The following EVC variants were observed in gnomAD, a reference collection of about 807,000 sequenced individuals.
The protein encoded by EVC is evC complex member EVC.
EVC carries 116 observed loss-of-function variants against 118.9 expected under a neutral mutation model. The ratio of observed to expected loss-of-function variants is 0.98; its 90% confidence interval spans 0.84 to 1.14. The LOEUF (loss-of-function observed/expected upper bound fraction) is 1.14, where lower values mean the gene tolerates loss of function less well. Ranked by LOEUF, EVC falls within the 50% of genes most tolerant of loss-of-function variation. The probability of loss-of-function intolerance (pLI) is 0.00; values close to 1 mark genes in which losing one functional copy is unlikely to be tolerated. For missense variants in EVC, 1,401 were observed against 1,246.4 expected (o/e 1.12, Z -1.87); for synonymous variants, 619 against 534.7 (o/e 1.16, Z -2.18).
intron 1 of EVC, among the ~76,000 whole-genome samples, chr4:5,716,059 G>T (rs1278001600): frequency 6.6e-6 from 1 of 152,164 alleles, no homozygotes; most frequent in Non-Finnish European, 1.5e-5. Context: ...TCTTCTAGCT[G>T]TTGTAGAACC....
intron 2 of EVC, among the ~76,000 whole-genome samples, chr4:5,724,470 T>C (rs41328048): frequency 0.081 from 12,277 of 152,314 alleles, 616 homozygotes; most frequent in Middle Eastern, 0.13. Flanking sequence ...CTTGCTGTTA[T>C]TCACATCATG....
At position 5,746,623 on chromosome 4, in the gene EVC, C is replaced by T. The variant is rs1415266139; in HGVS notation, c.939+1282C>T. On this transcript the variant is annotated intron_variant, in intron 7 of 20. Coordinates refer to ENST00000264956, the MANE Select transcript of EVC (RefSeq NM_153717.3). This position sits in a 1 kb window ranked among gnomAD's most constrained non-coding sequence, Gnocchi z 5.8. ...TAAGGAAGAGGGCCAGCCTGGATTC[C>T]GGTGGTCCACAGAACCCCCAACGCT... Among the ~76,000 whole-genome samples the T allele has an allele frequency of 2.0e-5, 3 of 152,106 alleles. No individual in the cohort carries two copies. The highest frequency in any genetic ancestry group is 7.2e-5 in the African/African-American group (3 of 41,426).
chr4:5,804,469 C>T (rs897533403), intron 16 of EVC, among the ~76,000 whole-genome samples: 2 of 152,148 alleles, frequency 1.3e-5, no homozygotes, highest in African/African-American at 2.4e-5. Context: ...TTTTCTTAGT[C>T]GGCACCCATT....
chr4:5,756,758 C>G lies in EVC; in HGVS notation c.1563+396C>G, dbSNP rs1319517902. The stretch of plus-strand genomic sequence containing the variant: ...CGTCAGAGATCACATGCCACACCAC[C>G]TCTTTCCCCTGTGCAACCGTGTGCA... On this transcript the variant is annotated intron_variant, in intron 11 of 20. Transcript: ENST00000264956. This position sits in a 1 kb window ranked among gnomAD's most constrained non-coding sequence, Gnocchi z 4.2. Among the ~76,000 whole-genome samples the G allele has an allele frequency of 6.6e-6, 1 of 152,148 alleles. No individual in the cohort carries two copies. Among genetic ancestry groups the G allele is most frequent in the East Asian group, 1.9e-4 (1 of 5,174 alleles).
chr4:5,743,583 C>T lies in EVC; in HGVS notation c.802-1621C>T, dbSNP rs533345262. Reference sequence around the variant, plus strand: ...TTAGAGTCCTCATTGTCATCGTCATCGTCCTTGTTCCTACCACTGTGAGAT... The same window carrying T: ...TTAGAGTCCTCATTGTCATCGTCATTGTCCTTGTTCCTACCACTGTGAGAT... On this transcript the variant is annotated intron_variant, in intron 6 of 20. Coordinates refer to ENST00000264956, the MANE Select transcript of EVC (RefSeq NM_153717.3). The surrounding 1 kb of genome is among the most constrained non-coding windows in gnomAD (Gnocchi z 4.7). Among the ~76,000 whole-genome samples, 2 of 152,230 alleles carry T rather than the reference C, an allele frequency of 1.3e-5. No homozygotes were observed. Among genetic ancestry groups the T allele is most frequent in the African/African-American group, 4.8e-5 (2 of 41,534 alleles).
chr4:5,802,953 G>C (rs184197634), intron 16 of EVC, among the ~76,000 whole-genome samples: 5 of 152,254 alleles, frequency 3.3e-5, no homozygotes, highest in Non-Finnish European at 7.4e-5. Context: ...GATTTCGTCT[G>C]TGAGCTTCCT....
intron 11 of EVC, among the ~76,000 whole-genome samples, chr4:5,777,632 C>A (rs2152260246): frequency 6.6e-6 from 1 of 152,270 alleles, no homozygotes; most frequent in Middle Eastern, 3.4e-3. Context: ...GTCCACTTAT[C>A]TTTTTCATTC....
Position 5,802,003 on chromosome 4 carries a change from C to G in EVC, c.2358C>G (p.Val786=), listed in dbSNP as rs895641001. Residue 786 remains valine, a synonymous_variant, in exon 16 of 21, where the codon GTC becomes GTG. Transcript: ENST00000264956. ...GCGTCTACGTGACCAGCGCTGGTGTCAGCCGCCTGGTGCAGGCGTATTACC... is the reference window on the plus strand; with the variant it reads ...GCGTCTACGTGACCAGCGCTGGTGTGAGCCGCCTGGTGCAGGCGTATTACC... The part of the protein sequence containing the change: ...VESVYVTSAG[V]SRLVQAYYQQ... 1.9e-6 allele frequency: 3 copies of G among 1,614,042 alleles called. No individual in the cohort carries two copies. The highest frequency in any genetic ancestry group is 3.3e-5 in the Admixed American group (2 of 60,012).
intron 2 of EVC, among the ~76,000 whole-genome samples, chr4:5,721,707 A>G (rs1724990168): frequency 6.6e-6 from 1 of 152,118 alleles, no homozygotes. Flanking sequence ...TCTCTAGTAA[A>G]AATACAAAAA....
intron 2 of EVC, among the ~76,000 whole-genome samples, chr4:5,721,241 A>G (rs1216765585): frequency 6.6e-6 from 1 of 152,254 alleles, no homozygotes; most frequent in African/African-American, 2.4e-5. Context: ...ACTATTCACA[A>G]TAGCCAAAAT....
chr4:5,711,344 G>A lies in EVC; in HGVS notation c.-37G>A, dbSNP rs967213264. On this transcript the variant is annotated 5_prime_UTR_variant, in exon 1 of 21. Transcript: ENST00000264956. Reference sequence around the variant, plus strand: ...CCCTGGCGGGGACGGTGCAGCAGGCGGCGGGATGCGGCGGGGCGGCAGCCT... The same window carrying A: ...CCCTGGCGGGGACGGTGCAGCAGGCAGCGGGATGCGGCGGGGCGGCAGCCT... 2.9e-5 allele frequency: 29 copies of A among 1,007,190 alleles called. No homozygotes were observed. The highest frequency in any genetic ancestry group is 2.3e-4 in the African/African-American group (13 of 57,548). 62.4% of individuals were successfully genotyped at this position (1,007,190 alleles called of 1,614,324 possible).
the EVC span, among the ~76,000 whole-genome samples, chr4:5,823,038 G>A: frequency 6.6e-6 from 1 of 152,156 alleles, no homozygotes; most frequent in African/African-American, 2.4e-5. Flanking sequence ...CTGTCTTGGT[G>A]AATTTTTTTT....
At chr4:5,793,364 T>C (rs753574466) in intron 12 of EVC, 21 of 511,104 alleles carry the variant, frequency 4.1e-5, no homozygotes, top group Non-Finnish European at 7.4e-5. Flanking sequence ...CCACAGAAAA[T>C]AAATTTTAGA....
chr4:5,820,782 G>A, the EVC span: 3 of 150,844 alleles, frequency 2.0e-5, no homozygotes, highest in Non-Finnish European at 4.4e-5. Context: ...CCCTAGTCAG[G>A]TCAGTGGGCA....
chr4:5,798,461 G>T lies in EVC; in HGVS notation c.2098-125G>T. 1 of 956,342 alleles carries T rather than the reference G, an allele frequency of 1.0e-6. No individual in the cohort carries two copies. Among genetic ancestry groups the T allele is most frequent in the Non-Finnish European group, 1.6e-6 (1 of 611,420 alleles). The allele number at this position is 956,342 out of a possible 1,614,324, so 59.2% of individuals were successfully genotyped here. On this transcript the variant is annotated intron_variant, in intron 14 of 20. Transcript: ENST00000264956. The surrounding 1 kb of genome is among the most constrained non-coding windows in gnomAD (Gnocchi z 4.1). ...GCAAGCCCAGAGGCCACCTCTTTCT[G>T]CCCTTTCTCCATCCCTTTTCCAACC... is the stretch of plus-strand genomic sequence containing the variant.
Position 5,755,715 on chromosome 4 carries a change from C to T in EVC, c.1465-549C>T, listed in dbSNP as rs1400868679. ...CCTTCCCTGAGAAGGGTCTGTTCCTCTGTCCTTCTGCCCCACCTCGCCCCT... is the reference window on the plus strand; with the variant it reads ...CCTTCCCTGAGAAGGGTCTGTTCCTTTGTCCTTCTGCCCCACCTCGCCCCT... On this transcript the variant is annotated intron_variant, in intron 10 of 20. Transcript: ENST00000264956. This position sits in a 1 kb window ranked among gnomAD's most constrained non-coding sequence, Gnocchi z 4.1. Among the ~76,000 whole-genome samples the T allele has an allele frequency of 6.6e-6, 1 of 152,204 alleles. No homozygotes were observed. Among genetic ancestry groups the T allele is most frequent in the Non-Finnish European group, 1.5e-5 (1 of 68,038 alleles).
At position 5,745,327 on chromosome 4, in the gene EVC, C is replaced by T. The variant is rs1365560975; in HGVS notation, c.925C>T (p.Gln309Ter). Reference protein sequence around the residue: ...VEKKEREYSEQLIDNMEAFWK... With the variant: ...VEKKEREYSE ...AAAGAAGGAGAGAGAATACTCTGAA[C>T]AGCTAATCGATAATGTGCGTGCCAG... The change falls in exon 7 of 21, where the codon CAG becomes TAG. Residue 309 changes from glutamine to a stop codon, truncating the protein, a stop_gained. Transcript: ENST00000264956. LOFTEE classifies it high-confidence loss of function. 6.2e-7 allele frequency: 1 copy of T among 1,614,022 alleles called. No homozygotes were observed. The highest frequency in any genetic ancestry group is 1.7e-5 in the Admixed American group (1 of 60,022).
chr4:5,729,780 A>G (rs1028141640), intron 3 of EVC, among the ~76,000 whole-genome samples: 3 of 152,180 alleles, frequency 2.0e-5, no homozygotes, highest in African/African-American at 7.2e-5. Flanking sequence ...TGTGTTAAGT[A>G]TTTGTCATGC....
At chr4:5,753,144 G>T in intron 9 of EVC, 92 bp downstream of exon 9, 1 of 1,258,042 alleles carries the variant, frequency 7.9e-7, no homozygotes, top group Non-Finnish European at 1.1e-6. Context: ...CTGGGGCAGT[G>T]TGCCCATGAT....
Sources: gnomAD v4.1 joint callset for allele counts (sites outside exome capture counted in the v4.1 genomes callset) on GRCh38, gnomAD v4.1.1 for gene constraint, Gnocchi (gnomAD v3.1) non-coding constraint, MANE v1.5 for transcripts, NCBI Gene and HGNC (gene_info 2026-07-23, HGNC 2026-07-21) for gene names.